The following DNAH14 variants were observed in gnomAD, a reference collection of about 807,000 sequenced individuals.
The protein encoded by DNAH14 is axonemal beta dynein heavy chain 14.
In DNAH14, 478 loss-of-function variants were observed where a neutral mutation model predicts 520.9. The observed-to-expected ratio is 0.92, with a 90% CI of 0.85 to 0.99. DNAH14 has a LOEUF of 0.99. Ranked by LOEUF, DNAH14 falls within the 50% of genes least tolerant of loss-of-function variation. The pLI, the probability that DNAH14 is intolerant of heterozygous loss-of-function variation, is 0.00. For synonymous variants in DNAH14, 1,581 were observed against 1,757.2 expected, an observed-to-expected ratio of 0.90 and a Z score of 2.51; for missense variants, 4,831 against 5,234.5, an observed-to-expected ratio of 0.92 and a Z score of 2.38.
chr1:224,995,959 C>T (rs191467897), intron 8 of DNAH14, among the ~76,000 whole-genome samples: 33 of 152,086 alleles, frequency 2.2e-4, no homozygotes, highest in African/African-American at 6.5e-4. Flanking sequence ...ATTTTTTATA[C>T]ATATCTTTTT....
At chr1:225,043,723 T>C (rs994389098) in intron 13 of DNAH14, 21 bp from the exon 14 acceptor site, 17 of 1,431,118 alleles carry the variant, frequency 1.2e-5, no homozygotes, top group Non-Finnish European at 1.5e-5. Context: ...ATTTTCTCTT[T>C]CTTTCAATGG....
chr1:225,245,314 T>C (rs1295475981), intron 43 of DNAH14, among the ~76,000 whole-genome samples: 2 of 152,326 alleles, frequency 1.3e-5, no homozygotes, highest in Non-Finnish European at 2.9e-5. Flanking sequence ...GAAGAATGTA[T>C]ATTCTGTAGA....
At chr1:225,205,150 A>G (rs982601750) in intron 39 of DNAH14, among the ~76,000 whole-genome samples, 1 of 152,112 alleles carries the variant, frequency 6.6e-6, no homozygotes, top group African/African-American at 2.4e-5. Context: ...TGGGTGTAGC[A>G]TGTGTGCTAT....
chr1:225,330,866 T>G (rs2094781197), intron 64 of DNAH14, among the ~76,000 whole-genome samples: 1 of 152,204 alleles, frequency 6.6e-6, no homozygotes, highest in Non-Finnish European at 1.5e-5. Context: ...TTCTCCATGA[T>G]GTGATGATTA....
Position 225,117,935 on chromosome 1 carries a change from GA to G in DNAH14, c.4028del (p.Asp1343AlafsTer7), listed in dbSNP as rs1435437212. 1 of 1,551,338 alleles carries G rather than the reference GA, an allele frequency of 6.4e-7. No individual in the cohort carries two copies. The highest frequency in any genetic ancestry group is 2.4e-5 in the East Asian group (1 of 40,908). On this transcript the variant is annotated frameshift_variant, in exon 25 of 86. Transcript: ENST00000682510. LOFTEE classifies it high-confidence loss of function. ...NIKQLLIWKQ[D>X]IGPPAVKMLI... is the part of the protein sequence containing the mutation. ...AAAACAATTATTGATATGGAAACAAGACATTGGCCCTCCTGCTGTAAAAATG... is the reference window on the plus strand; with the variant it reads ...AAAACAATTATTGATATGGAAACAAGCATTGGCCCTCCTGCTGTAAAAATG...
intron 4 of DNAH14, among the ~76,000 whole-genome samples, chr1:224,964,046 A>G (rs887508986): frequency 6.6e-6 from 1 of 152,136 alleles, no homozygotes; most frequent in Non-Finnish European, 1.5e-5. Flanking sequence ...AAGATTGTCA[A>G]TTGTCAGCTA....
In DNAH14 at chr1:225,051,461, T is replaced by A. The variant is rs1393928639; in HGVS notation, c.2090T>A (p.Leu697His). 2.0e-6 allele frequency: 3 copies of A among 1,486,718 alleles called. No individual in the cohort carries two copies. The South Asian group carries it at 4.1e-5, about 21-fold the overall frequency. 92.1% of individuals were successfully genotyped at this position (1,486,718 alleles called of 1,614,324 possible). ...CATTCTTCTTTACAGATTGTGAATC[T>A]CCTGACTATTATTGGTAATTCAATG... ...DPAYQNIIVN[L>H]LTIIGNSMGL... Residue 697 changes from leucine (L) to histidine (H), a missense_variant, in exon 17 of 86, where the codon CTC (leucine) becomes CAC (histidine). By Grantham distance (99) the Leu-to-His change is moderately conservative. Coordinates refer to ENST00000682510, the MANE Select transcript of DNAH14 (RefSeq NM_001367479.1).
chr1:225,083,369 C>G (rs1430980751), intron 20 of DNAH14, among the ~76,000 whole-genome samples: 1 of 151,998 alleles, frequency 6.6e-6, no homozygotes, highest in African/African-American at 2.4e-5. Context: ...TAATGAGGAA[C>G]ATGAGCACCT....
chr1:225,103,839 G>C (rs1558967227), intron 23 of DNAH14, among the ~76,000 whole-genome samples: 1 of 152,124 alleles, frequency 6.6e-6, no homozygotes, highest in Non-Finnish European at 1.5e-5. Flanking sequence ...TCTGCAAACA[G>C]GGACAATTTG....
intron 28 of DNAH14, among the ~76,000 whole-genome samples, chr1:225,141,715 T>C (rs1041504048): frequency 7.9e-5 from 12 of 152,168 alleles, no homozygotes; most frequent in Non-Finnish European, 1.5e-4. Flanking sequence ...GCCTCTTCTT[T>C]CCGCTGTGCT....
chr1:225,372,574 C>A (rs2150662484), intron 77 of DNAH14, among the ~76,000 whole-genome samples: 1 of 152,194 alleles, frequency 6.6e-6, no homozygotes, highest in South Asian at 2.1e-4. Context: ...AAAATAAATT[C>A]CCGAATGGAA....
rs2067624196 is a variant in DNAH14 at position 225,043,118 on chromosome 1, A to G, written c.1768+4A>G. ...AATCTTGAAGATATTATTTCAGGTA[A>G]GACAATTGAGACTATAAAGAATGAG... On this transcript the variant is annotated splice_donor_region_variant and intron_variant, in intron 13 of 85. Coordinates refer to ENST00000682510, the MANE Select transcript of DNAH14 (RefSeq NM_001367479.1). 6.5e-7 allele frequency: 1 copy of G among 1,546,070 alleles called. No homozygotes were observed. Among genetic ancestry groups the G allele is most frequent in the Non-Finnish European group, 8.7e-7 (1 of 1,145,242 alleles).
chr1:225,368,084 A>G, intron 77 of DNAH14, 52 bp downstream of exon 77: 1 of 1,416,906 alleles, frequency 7.1e-7, no homozygotes. Context: ...TAAGATACAA[A>G]TTGAGAGCCT....
chr1:225,361,741 G>A (rs2095494207), intron 75 of DNAH14, among the ~76,000 whole-genome samples: 1 of 152,160 alleles, frequency 6.6e-6, no homozygotes, highest in Non-Finnish European at 1.5e-5. Flanking sequence ...CTATACCAGC[G>A]GGGCACAGTG....
At chr1:225,374,155 ATATATATATAT>A (rs1429609771) in intron 77 of DNAH14, among the ~76,000 whole-genome samples, 3 of 69,544 alleles carry the variant, frequency 4.3e-5, no homozygotes, top group Non-Finnish European at 9.5e-5. Flanking sequence ...CTATATATAT[ATATATATATAT>A]ATATATATAT....
chr1:225,346,317 G>C lies in DNAH14; in HGVS notation c.11034G>C (p.Glu3678Asp). ...SISKEPNLENEKNLLDKHIKS... is the reference protein window; with the variant it reads ...SISKEPNLENDKNLLDKHIKS... ...CAAAAGAACCCAACCTGGAAAATGAGAAAAATCTCTTAGATAAGCATATTA... is the reference window on the plus strand; with the variant it reads ...CAAAAGAACCCAACCTGGAAAATGACAAAAATCTCTTAGATAAGCATATTA... Residue 3678 changes from glutamate (E) to aspartate (D), a missense_variant, in exon 70 of 86, where the codon GAG becomes GAC. Glu to Asp is a conservative substitution (Grantham distance 45). Transcript: ENST00000682510. The C allele has an allele frequency of 6.5e-7, 1 of 1,540,236 alleles. No individual in the cohort carries two copies. Among genetic ancestry groups the C allele is most frequent in the African/African-American group, 1.4e-5 (1 of 72,062 alleles).
At chr1:225,042,763 T>C (rs2067596436) in intron 12 of DNAH14, 72 bp from the exon 13 acceptor site, 1 of 1,455,002 alleles carries the variant, frequency 6.9e-7, no homozygotes, top group South Asian at 1.5e-5. Flanking sequence ...AAAATTTTGG[T>C]CTGTATTCTA....
chr1:225,353,415 AC>A (rs1250038079), intron 72 of DNAH14, among the ~76,000 whole-genome samples: 14 of 152,074 alleles, frequency 9.2e-5, no homozygotes, highest in African/African-American at 3.1e-4. Flanking sequence ...ATGAATAGAA[AC>A]CTCCAACCTC....
intron 5 of DNAH14, among the ~76,000 whole-genome samples, chr1:224,966,037 C>T (rs1363893859): frequency 6.6e-6 from 1 of 152,034 alleles, no homozygotes; most frequent in Admixed American, 6.6e-5. Flanking sequence ...AGATTTGTAT[C>T]TACCTTGTTT....
Sources: allele counts gnomAD v4.1 joint callset (sites outside exome capture counted in the v4.1 genomes callset), GRCh38; gene constraint gnomAD v4.1.1; transcripts MANE v1.5; gene names NCBI Gene and HGNC (gene_info 2026-07-23, HGNC 2026-07-21).